Variants in ASAP2 observed in about 807,000 individuals in gnomAD.
ASAP2 encodes arf-GAP with SH3 domain, ANK repeat and PH domain-containing protein 2.
ASAP2 carries 45 observed loss-of-function variants against 131.4 expected under a neutral mutation model. The observed-to-expected ratio is 0.34, with a 90% CI of 0.27 to 0.44. ASAP2 has a LOEUF of 0.44. Among genes scored for constraint, ASAP2 ranks in the 20% least tolerant of loss-of-function variants. The pLI is 1.00. For missense variants in ASAP2, 1,011 were observed against 1,297.0 expected (o/e 0.78, Z 3.39); for synonymous variants, 510 against 503.0 (o/e 1.01, Z -0.19).
rs2147964577 is a variant in ASAP2 at position 9,217,815 on chromosome 2, T to C, written c.126+10585T>C. ...ATTTTTAGTAGAGACGGGGTTTCAC[T>C]GTGTTAGCCAGGATGGTCTTGATCT... On this transcript the variant is annotated intron_variant, in intron 1 of 27. Transcript: ENST00000281419. The surrounding 1 kb of genome is among the most constrained non-coding windows in gnomAD (Gnocchi z 4.0). Among the ~76,000 whole-genome samples the C allele has an allele frequency of 6.6e-6, 1 of 151,832 alleles. No individual in the cohort carries two copies. The highest frequency in any genetic ancestry group is 2.4e-5 in the African/African-American group (1 of 41,440).
chr2:9,332,805 A>G (rs1274357241), intron 7 of ASAP2, among the ~76,000 whole-genome samples: 1 of 151,790 alleles, frequency 6.6e-6, no homozygotes, highest in East Asian at 1.9e-4. Context: ...TAGTTACATA[A>G]AGAAAAACAC....
chr2:9,239,069 G>A (rs916287420), intron 1 of ASAP2, among the ~76,000 whole-genome samples: 2 of 152,210 alleles, frequency 1.3e-5, no homozygotes, highest in African/African-American at 4.8e-5. Context: ...CTTTGTAGCT[G>A]CCTGTTAGTG....
chr2:9,308,395 C>A (rs932622312), intron 3 of ASAP2, among the ~76,000 whole-genome samples: 2 of 152,170 alleles, frequency 1.3e-5, no homozygotes, highest in Non-Finnish European at 2.9e-5. Flanking sequence ...AACTTCACCC[C>A]CGTGATTGAG....
intron 3 of ASAP2, among the ~76,000 whole-genome samples, chr2:9,305,995 G>A (rs991052631): frequency 1.4e-4 from 21 of 146,664 alleles, no homozygotes; most frequent in Non-Finnish European, 2.9e-4. Flanking sequence ...AGATATTGGT[G>A]TAGAGGCTGT....
At position 9,403,587 on chromosome 2, in the gene ASAP2, T is replaced by C; in HGVS notation, c.*260T>C. ...AGGTGAACTGAAAAGTTATTTTAACTATTATACATAATCAAGATCCTGCCT... is the reference window on the plus strand; with the variant it reads ...AGGTGAACTGAAAAGTTATTTTAACCATTATACATAATCAAGATCCTGCCT... On this transcript the variant is annotated 3_prime_UTR_variant, in exon 28 of 28. Coordinates refer to ENST00000281419, the MANE Select transcript of ASAP2 (RefSeq NM_003887.3). The C allele has an allele frequency of 2.2e-6, 1 of 444,932 alleles. No individual in the cohort carries two copies. 27.6% of individuals were successfully genotyped at this position (444,932 alleles called of 1,614,324 possible).
chr2:9,207,713 C>A lies in ASAP2; in HGVS notation c.126+483C>A, dbSNP rs1661225663. Reference sequence around the variant, plus strand: ...CTCGGGTCCGCGGGTCCGGGGCATCCCGGGCTGCCCGGGAAGGCGTGCCCG... The same window carrying A: ...CTCGGGTCCGCGGGTCCGGGGCATCACGGGCTGCCCGGGAAGGCGTGCCCG... On this transcript the variant is annotated intron_variant, in intron 1 of 27. Transcript: ENST00000281419. The surrounding 1 kb of genome is among the most constrained non-coding windows in gnomAD (Gnocchi z 4.1). Among the ~76,000 whole-genome samples the A allele has an allele frequency of 6.6e-6, 1 of 152,054 alleles. No individual in the cohort carries two copies. The highest frequency in any genetic ancestry group is 2.1e-4 in the South Asian group (1 of 4,828).
intron 11 of ASAP2, chr2:9,350,550 G>A (rs1353738209): frequency 5.7e-6 from 2 of 353,924 alleles, no homozygotes; most frequent in Non-Finnish European, 1.0e-5. Flanking sequence ...AGCTGGCATC[G>A]CTTGTCCTCT....
intron 7 of ASAP2, among the ~76,000 whole-genome samples, chr2:9,328,701 C>T (rs947127021): frequency 4.6e-5 from 7 of 152,128 alleles, no homozygotes; most frequent in Non-Finnish European, 1.5e-5. Flanking sequence ...TGCTCCTCGA[C>T]CCCCAGTCAC....
rs1163578120 is a variant in ASAP2 at position 9,389,267 on chromosome 2, G to A, written c.2383+721G>A. ...CTCAGCTCTGGGCTGAGCTCCAGTC[G>A]TGGCCATGGCCTTCAGAGGGTTTCC... On this transcript the variant is annotated intron_variant, in intron 22 of 27. Coordinates refer to ENST00000281419, the MANE Select transcript of ASAP2 (RefSeq NM_003887.3). The surrounding 1 kb of genome is among the most constrained non-coding windows in gnomAD (Gnocchi z 4.7). 1.3e-5 allele frequency among the ~76,000 whole-genome samples: 2 copies of A among 152,194 alleles called. No individual in the cohort carries two copies. The highest frequency in any genetic ancestry group is 2.9e-5 in the Non-Finnish European group (2 of 68,032).
Position 9,382,818 on chromosome 2 carries a change from C to CA in ASAP2, c.2016+2012dup, listed in dbSNP as rs902748746. ...GGGGTTCTCCCCCGACCCCATACAC[C>CA]AATTGTAGTCGCCTGACAGGTTCTT... On this transcript the variant is annotated intron_variant, in intron 20 of 27. Coordinates refer to ENST00000281419, the MANE Select transcript of ASAP2 (RefSeq NM_003887.3). Among the ~76,000 whole-genome samples, 6 of 152,208 alleles carry CA rather than the reference C, an allele frequency of 3.9e-5. 1 individual carries two copies. Among genetic ancestry groups the CA allele is most frequent in the African/African-American group, 1.4e-4 (6 of 41,454 alleles).
intron 1 of ASAP2, among the ~76,000 whole-genome samples, chr2:9,256,323 G>A (rs1217800954): frequency 1.3e-5 from 2 of 152,168 alleles, no homozygotes; most frequent in Non-Finnish European, 2.9e-5. Context: ...AGTTTAGCAC[G>A]AGGGTGTATA....
chr2:9,292,686 C>T (rs1667894081), intron 2 of ASAP2, among the ~76,000 whole-genome samples: 1 of 152,190 alleles, frequency 6.6e-6, no homozygotes, highest in Admixed American at 6.5e-5. Flanking sequence ...GTCTCCTTGC[C>T]ATCTGAGTCC....
intron 5 of ASAP2, 123 bp downstream of exon 5, chr2:9,320,460 C>T: frequency 1.4e-6 from 1 of 702,184 alleles, no homozygotes; most frequent in Non-Finnish European, 2.4e-6. Context: ...GTTTATCAGC[C>T]ATGTTGCTGT....
rs750174209 is a variant in ASAP2 at position 9,358,745 on chromosome 2, C to T, written c.1328-11C>T. ...ACTGGAAGCTCAAATCTGCCCTGTTCTCTTTGGCAGATCCTACATGGCTTT... is the reference window on the plus strand; with the variant it reads ...ACTGGAAGCTCAAATCTGCCCTGTTTTCTTTGGCAGATCCTACATGGCTTT... On this transcript the variant is annotated splice_polypyrimidine_tract_variant and intron_variant, in intron 14 of 27. Coordinates refer to ENST00000281419, the MANE Select transcript of ASAP2 (RefSeq NM_003887.3). 1.9e-6 allele frequency: 3 copies of T among 1,610,968 alleles called. No individual in the cohort carries two copies. The highest frequency in any genetic ancestry group is 2.2e-5 in the South Asian group (2 of 90,736).
chr2:9,250,415 A>G (rs769077247), intron 1 of ASAP2, among the ~76,000 whole-genome samples: 5 of 152,190 alleles, frequency 3.3e-5, no homozygotes, highest in Non-Finnish European at 7.3e-5. Flanking sequence ...GCCATGCATG[A>G]CTTTAAAGAT....
chr2:9,287,681 C>T (rs973289588), intron 2 of ASAP2, among the ~76,000 whole-genome samples: 33 of 152,206 alleles, frequency 2.2e-4, no homozygotes, highest in African/African-American at 7.7e-4. Context: ...GGTGGACGGC[C>T]TCTGTCTCTG....
intron 2 of ASAP2, among the ~76,000 whole-genome samples, chr2:9,283,111 T>C (rs1667242962): frequency 6.6e-6 from 1 of 152,170 alleles, no homozygotes; most frequent in African/African-American, 2.4e-5. Context: ...GGTGCTTCAC[T>C]CTGTTGCCCA....
chr2:9,361,230 C>T (rs921424587), intron 15 of ASAP2, among the ~76,000 whole-genome samples: 1 of 152,180 alleles, frequency 6.6e-6, no homozygotes, highest in Non-Finnish European at 1.5e-5. Flanking sequence ...CTCTCCCTTA[C>T]CCAAGTCTTT....
chr2:9,262,858 C>T (rs147224150), intron 1 of ASAP2, among the ~76,000 whole-genome samples: 2 of 152,332 alleles, frequency 1.3e-5, no homozygotes, highest in Non-Finnish European at 2.9e-5. Context: ...TCAAAGTCCT[C>T]AGTCTCTTTC....
Sources: allele counts gnomAD v4.1 joint callset (sites outside exome capture counted in the v4.1 genomes callset), GRCh38; gene constraint gnomAD v4.1.1; non-coding constraint Gnocchi (gnomAD v3.1); transcripts MANE v1.5; gene names NCBI Gene and HGNC (gene_info 2026-07-23, HGNC 2026-07-21).